Variants in ERAP1 observed in about 807,000 individuals in gnomAD.
The protein encoded by ERAP1 is adipocyte-derived leucine aminopeptidase.
A neutral mutation model predicts 103.7 loss-of-function variants in ERAP1; 86 were observed. That is an observed-to-expected ratio of 0.83 (90% CI 0.70 to 0.99). ERAP1 has a LOEUF of 0.99. ERAP1 is among the 50% of genes least tolerant of loss of function. ERAP1 has a pLI of 0.00. For synonymous variants in ERAP1, 398 were observed against 402.4 expected, an observed-to-expected ratio of 0.99 and a Z score of 0.13; for missense variants, 1,009 against 1,128.4, an observed-to-expected ratio of 0.89 and a Z score of 1.52.
At position 96,775,580 on chromosome 5, in the gene ERAP1, C is replaced by CAA; in HGVS notation, c.*814_*815dup. 1.1e-6 allele frequency: 1 copy of CAA among 880,514 alleles called. No individual in the cohort carries two copies. Among genetic ancestry groups the CAA allele is most frequent in the African/African-American group, 1.8e-5 (1 of 55,158 alleles). The allele number at this position is 880,514 out of a possible 1,614,324, so 54.5% of individuals were successfully genotyped here. A position where few individuals can be genotyped will look rare whatever the true frequency, so the allele number is the denominator to read the frequency against. ...GAGGGTTCTATAAAAAGATTTTTTG[C>CAA]AAAAGTGCGAGCACATTATGTAGAA... On this transcript the variant is annotated 3_prime_UTR_variant, in exon 19 of 19. Transcript: ENST00000443439.
chr5:96,812,208 A>T (rs929213382), upstream of ERAP1, among the ~76,000 whole-genome samples: 12 of 152,248 alleles, frequency 7.9e-5, no homozygotes, highest in African/African-American at 2.4e-4. Flanking sequence ...TCTATGACAC[A>T]CAAGAGAAAG....
chr5:96,798,912 G>T (rs1777669073), intron 3 of ERAP1, among the ~76,000 whole-genome samples: 1 of 129,844 alleles, frequency 7.7e-6, no homozygotes, highest in South Asian at 2.4e-4. Flanking sequence ...CTGTCACCCA[G>T]GCTAGAGTGC....
At chr5:96,921,937 CTG>C in the ERAP1 span, among the ~76,000 whole-genome samples, 1 of 152,200 alleles carries the variant, frequency 6.6e-6, no homozygotes, top group African/African-American at 2.4e-5. Flanking sequence ...AATAAATTGT[CTG>C]TGAAAATACT....
chr5:96,808,635 AG>A (rs768146105), upstream of ERAP1, among the ~76,000 whole-genome samples: 3 of 152,174 alleles, frequency 2.0e-5, no homozygotes, highest in Non-Finnish European at 4.4e-5. Context: ...CTGTACCCCA[AG>A]GATTAGCTGC....
chr5:96,803,437 T>A lies in ERAP1; in HGVS notation c.490A>T (p.Lys164Ter), dbSNP rs776172967. Residue 164 changes from lysine (K) to a stop codon, truncating the protein, a stop_gained, in exon 2 of 19, where the codon AAA becomes TAA. Coordinates refer to ENST00000443439, the MANE Select transcript of ERAP1 (RefSeq NM_001040458.3). LOFTEE classifies it high-confidence loss of function. ...CCTTCCTTGGTTCTGTAGGTGCTTT[T>A]GTAAAATCCGTGGAAAGTCTCCGAA... ...NLSETFHGFY[K>*]STYRTKEGEL... 1.2e-6 allele frequency: 2 copies of A among 1,612,812 alleles called. No homozygotes were observed. Among genetic ancestry groups the A allele is most frequent in the South Asian group, 2.2e-5 (2 of 90,614 alleles).
chr5:96,808,011 GA>G, upstream of ERAP1: 2 of 985,614 alleles, frequency 2.0e-6, no homozygotes, highest in Non-Finnish European at 2.4e-6. Flanking sequence ...GGCAGGCGGG[GA>G]AGCCCCTGGC....
the ERAP1 span, among the ~76,000 whole-genome samples, chr5:96,829,475 G>C: frequency 2.6e-5 from 4 of 152,214 alleles, no homozygotes; most frequent in South Asian, 6.2e-4. Flanking sequence ...TAAGACTTCC[G>C]GATTGAATTC....
At chr5:96,874,179 A>AG in the ERAP1 span, among the ~76,000 whole-genome samples, 45 of 52,882 alleles carry the variant, frequency 8.5e-4, no homozygotes, top group African/African-American at 4.2e-3. Flanking sequence ...AGAAAGAAAG[A>AG]AAGAGAGAGA....
At chr5:96,888,666 T>G in the ERAP1 span, among the ~76,000 whole-genome samples, 13 of 152,360 alleles carry the variant, frequency 8.5e-5, no homozygotes, top group East Asian at 1.9e-3. Context: ...TAATTCTATT[T>G]TTTCTACTTG....
At chr5:96,804,298 G>A (rs1581640254) in intron 1 of ERAP1, 1 of 338,296 alleles carries the variant, frequency 3.0e-6, no homozygotes, top group African/African-American at 2.2e-5. Flanking sequence ...ACGGGTCACA[G>A]AGTTGCAGGA....
Position 96,776,586 on chromosome 5 carries a change from T to A in ERAP1, c.2671-35A>T. 2.5e-6 allele frequency: 4 copies of A among 1,607,532 alleles called. No homozygotes were observed. The Admixed American group carries it at 6.7e-5, about 27-fold the overall frequency. ...AAAAAGTGGGTTTTAAAAAATTAAT[T>A]TTATCACATTAATCAGATGTAACTT... On this transcript the variant is annotated intron_variant, in intron 18 of 18. Coordinates refer to ENST00000443439, the MANE Select transcript of ERAP1 (RefSeq NM_001040458.3).
the ERAP1 span, among the ~76,000 whole-genome samples, chr5:96,842,050 T>C: frequency 6.6e-6 from 1 of 152,292 alleles, no homozygotes; most frequent in East Asian, 1.9e-4. Context: ...TGATTTTCCA[T>C]TCCTGAGTTA....
chr5:96,844,413 C>T, the ERAP1 span, among the ~76,000 whole-genome samples: 2 of 152,174 alleles, frequency 1.3e-5, no homozygotes, highest in South Asian at 4.1e-4. Context: ...CACCACTACC[C>T]ATTTCCTTCC....
At chr5:96,886,825 A>G in the ERAP1 span, 1 of 1,372,440 alleles carries the variant, frequency 7.3e-7, no homozygotes, top group Non-Finnish European at 9.5e-7. Context: ...GCAGTGCAGA[A>G]AAGTGTCCTG....
the ERAP1 span, chr5:96,915,583 G>T: frequency 1.9e-6 from 1 of 530,688 alleles, no homozygotes. Context: ...TAATACACAA[G>T]CTTATCACAT....
the ERAP1 span, among the ~76,000 whole-genome samples, chr5:96,883,288 C>T: frequency 3.3e-5 from 5 of 152,164 alleles, no homozygotes; most frequent in Admixed American, 2.6e-4. Context: ...TCCCTCACTC[C>T]CTTACCTGTT....
chr5:96,891,212 C>T, the ERAP1 span, among the ~76,000 whole-genome samples: 8 of 151,920 alleles, frequency 5.3e-5, no homozygotes, highest in Non-Finnish European at 8.8e-5. Context: ...AAAAAATTAT[C>T]TTTTTTTCCA....
chr5:96,903,543 T>A, the ERAP1 span: 3 of 1,605,172 alleles, frequency 1.9e-6, no homozygotes, highest in Non-Finnish European at 2.5e-6. Flanking sequence ...TGATTCATGA[T>A]GTGTTTCAGC....
chr5:96,770,578 A>G (rs1238960448), downstream of ERAP1: 1 of 1,612,608 alleles, frequency 6.2e-7, no homozygotes, highest in South Asian at 1.1e-5. Context: ...CTAAGAATGG[A>G]GGTAAAGCGA....
Sources: allele counts gnomAD v4.1 joint callset (sites outside exome capture counted in the v4.1 genomes callset), GRCh38; gene constraint gnomAD v4.1.1; transcripts MANE v1.5; gene names NCBI Gene and HGNC (gene_info 2026-07-23, HGNC 2026-07-21).